Variants in RAD23B observed in about 807,000 individuals in gnomAD.
RAD23B encodes the protein RAD23 nucleotide excision repair protein B.
Under a neutral mutation model 49.1 loss-of-function variants are expected in RAD23B, and 5 were observed. That is an observed-to-expected ratio of 0.10 (90% CI 0.05 to 0.21). RAD23B has a LOEUF of 0.21. Ranked by LOEUF, RAD23B falls within the 10% of genes least tolerant of loss-of-function variation. RAD23B has a pLI of 1.00. For synonymous variants in RAD23B, 184 were observed against 165.4 expected (o/e 1.11, Z -0.86); for missense variants, 356 against 486.7 (o/e 0.73, Z 2.53).
intron 1 of RAD23B, among the ~76,000 whole-genome samples, chr9:107,291,718 G>A (rs192134071): frequency 1.7e-3 from 266 of 152,238 alleles, no homozygotes; most frequent in Non-Finnish European, 2.8e-3. Flanking sequence ...TCAAGTGGAA[G>A]GAGAAGAACC....
intron 1 of RAD23B, among the ~76,000 whole-genome samples, 196 bp from the exon 2 acceptor site, chr9:107,299,945 G>C (rs1467362448): frequency 6.6e-6 from 1 of 152,082 alleles, no homozygotes; most frequent in Non-Finnish European, 1.5e-5. Flanking sequence ...TGGTGTTAAA[G>C]TTTATGGCTA....
rs559307411 is a variant in RAD23B, at chr9:107,310,473, T to G, written c.498-1209T>G. Among the ~76,000 whole-genome samples, 5 of 152,282 alleles carry G rather than the reference T, an allele frequency of 3.3e-5. No individual in the cohort carries two copies. The South Asian group carries it at 8.3e-4, about 25-fold the overall frequency. ...AATACTGTGCACATTTGGGAAGAAA[T>G]TGAAGTAGATTTGATTGTGCCGACA... On this transcript the variant is annotated intron_variant, in intron 4 of 9. Transcript: ENST00000358015.
rs1805330 is a variant in RAD23B, at chr9:107,321,980, C to T, written c.682-3C>T. On this transcript the variant is annotated splice_region_variant and splice_polypyrimidine_tract_variant and intron_variant, in intron 6 of 9. Coordinates refer to ENST00000358015, the MANE Select transcript of RAD23B (RefSeq NM_002874.5). ...ATCTTAAAGCTTGGAAATTCTATTA[C>T]AGGGAATCCCTGGAGATAGAGAAAG... 0.092 allele frequency: 146,960 copies of T among 1,599,756 alleles called. 7,875 individuals carry two copies. Among genetic ancestry groups the T allele is most frequent in the African/African-American group, 0.2 (15,193 of 74,250 alleles).
Position 107,322,126 on chromosome 9 carries a change from G to GA in RAD23B, c.817+8_817+9insA. ...CAACAACAAGTTCTGGAGGTAAAGC[G>GA]GAATCTTCTGGATGGGGAGGGAATG... On this transcript the variant is annotated intron_variant, in intron 7 of 9. Transcript: ENST00000358015. 1 of 1,588,696 alleles carries GA rather than the reference G, an allele frequency of 6.3e-7. No homozygotes were observed. Among genetic ancestry groups the GA allele is most frequent in the South Asian group, 1.1e-5 (1 of 87,436 alleles).
At chr9:107,298,628 AC>A (rs1826583933) in intron 1 of RAD23B, among the ~76,000 whole-genome samples, 2 of 151,228 alleles carry the variant, frequency 1.3e-5, no homozygotes, top group South Asian at 4.2e-4. Flanking sequence ...ACTGCGCCTG[AC>A]CCAATGTACT....
chr9:107,306,577 G>A lies in RAD23B; in HGVS notation c.427G>A (p.Ala143Thr), dbSNP rs749832557. The change falls in exon 4 of 10, where the codon GCT (alanine) becomes ACT (threonine). Residue 143 changes from alanine (A) to threonine (T), a missense_variant. Coordinates refer to ENST00000358015, the MANE Select transcript of RAD23B (RefSeq NM_002874.5). Reference protein sequence around the residue: ...ASSEPAPASAAKQEKPAEKPA... With the variant: ...ASSEPAPASATKQEKPAEKPA... Reference sequence around the variant, plus strand: ...TTCTGAACCTGCACCTGCTAGTGCAGCTAAACAAGAGAAGCCTGCAGAAAA... The same window carrying A: ...TTCTGAACCTGCACCTGCTAGTGCAACTAAACAAGAGAAGCCTGCAGAAAA... 31 of 1,614,008 alleles carry A rather than the reference G, an allele frequency of 1.9e-5. No homozygotes were observed. The highest frequency in any genetic ancestry group is 2.5e-5 in the Non-Finnish European group (30 of 1,180,036).
At position 107,331,157 on chromosome 9, in the gene RAD23B, G is replaced by T. The variant is rs763729909; in HGVS notation, c.*1501G>T. 1 of 152,342 alleles carries T rather than the reference G, an allele frequency of 6.6e-6. No individual in the cohort carries two copies. The highest frequency in any genetic ancestry group is 1.5e-5 in the Non-Finnish European group (1 of 68,200). The allele number at this position is 152,342 out of a possible 1,614,324, so 9.4% of individuals were successfully genotyped here. A position where few individuals can be genotyped will look rare whatever the true frequency, so the allele number is the denominator to read the frequency against. The stretch of plus-strand genomic sequence containing the variant: ...TTCTCAATATCTTTAGCACAGTATG[G>T]TGATGATGACTTTTAAGCATTTACA... On this transcript the variant is annotated 3_prime_UTR_variant, in exon 10 of 10. Coordinates refer to ENST00000358015, the MANE Select transcript of RAD23B (RefSeq NM_002874.5).
chr9:107,324,195 A>G (rs1827160089), intron 8 of RAD23B, among the ~76,000 whole-genome samples, 178 bp downstream of exon 8: 3 of 152,250 alleles, frequency 2.0e-5, no homozygotes. Context: ...CAGTTGGGAT[A>G]TGGAGGTTGG....
intron 1 of RAD23B, among the ~76,000 whole-genome samples, chr9:107,291,348 T>C (rs1487133119): frequency 6.6e-6 from 1 of 152,216 alleles, no homozygotes; most frequent in Non-Finnish European, 1.5e-5. Context: ...ATATATTTTA[T>C]AATAGATTAA....
Position 107,318,956 on chromosome 9 carries a change from G to A in RAD23B, c.681+77G>A. 7.0e-7 allele frequency: 1 copy of A among 1,427,164 alleles called. No homozygotes were observed. The highest frequency in any genetic ancestry group is 9.6e-7 in the Non-Finnish European group (1 of 1,044,544). 88.4% of individuals were successfully genotyped at this position (1,427,164 alleles called of 1,614,324 possible). ...CAAAGAAACAGATTTTAAAGGACCA[G>A]TTCACTTGTCACTGATATATGCTAG... On this transcript the variant is annotated intron_variant, in intron 6 of 9. Transcript: ENST00000358015. This position sits in a 1 kb window ranked among gnomAD's most constrained non-coding sequence, Gnocchi z 4.3.
chr9:107,300,553 T>G (rs1391639131), intron 2 of RAD23B, among the ~76,000 whole-genome samples: 1 of 152,056 alleles, frequency 6.6e-6, no homozygotes, highest in Non-Finnish European at 1.5e-5. Flanking sequence ...ATTAGTATGC[T>G]TGGAATCATT....
chr9:107,323,979 C>A lies in RAD23B; in HGVS notation c.907C>A (p.Leu303Ile). ...QQNPSLLPAL[L>I]QQIGRENPQL... ...GAATCCTTCCTTGCTTCCAGCGTTA[C>A]TACAGCAGATAGGTCGAGAGAATCC... Residue 303 changes from leucine to isoleucine, a missense_variant, in exon 8 of 10, where the codon CTA becomes ATA. Coordinates refer to ENST00000358015, the MANE Select transcript of RAD23B (RefSeq NM_002874.5). 1 of 1,613,432 alleles carries A rather than the reference C, an allele frequency of 6.2e-7. No homozygotes were observed. Among genetic ancestry groups the A allele is most frequent in the Non-Finnish European group, 8.5e-7 (1 of 1,179,400 alleles).
chr9:107,283,507 C>G lies in RAD23B; in HGVS notation c.-123C>G. 1.5e-6 allele frequency: 1 copy of G among 646,406 alleles called. No homozygotes were observed. The highest frequency in any genetic ancestry group is 2.4e-6 in the Non-Finnish European group (1 of 420,064). 40.0% of individuals were successfully genotyped at this position (646,406 alleles called of 1,614,324 possible). A position where few individuals can be genotyped will look rare whatever the true frequency, so the allele number is the denominator to read the frequency against. On this transcript the variant is annotated 5_prime_UTR_variant, in exon 1 of 10. Transcript: ENST00000358015. Reference sequence around the variant, plus strand: ...TGGGCGAATGTGACAAGCCCCCACCCCCACCGCCTTCCTCCCCAGAGCGCG... The same window carrying G: ...TGGGCGAATGTGACAAGCCCCCACCGCCACCGCCTTCCTCCCCAGAGCGCG...
At position 107,305,434 on chromosome 9, in the gene RAD23B, G is replaced by A. The variant is rs541108988; in HGVS notation, c.229-945G>A. 5.3e-5 allele frequency among the ~76,000 whole-genome samples: 8 copies of A among 152,324 alleles called. No homozygotes were observed. The East Asian group carries it at 9.7e-4, about 18-fold the overall frequency. On this transcript the variant is annotated intron_variant, in intron 3 of 9. Transcript: ENST00000358015. ...AGAAAGAGAAAGGGTTGGTATTGCG[G>A]TCTCAAGGTGGCAGAGATGGAGGAG...
At chr9:107,286,490 C>G (rs12346091) in intron 1 of RAD23B, among the ~76,000 whole-genome samples, 5 of 152,182 alleles carry the variant, frequency 3.3e-5, no homozygotes, top group African/African-American at 9.7e-5. Flanking sequence ...ATTTACTTGA[C>G]TATTACTGTG....
Position 107,324,913 on chromosome 9 carries a change from G to C in RAD23B, c.1025G>C (p.Gly342Ala). The change falls in exon 9 of 10, where the codon GGT (glycine) becomes GCT (alanine). Residue 342 changes from glycine to alanine, a missense_variant. This residue lies in a region of RAD23B where 148 missense variants were observed against 231.7 expected (regional missense o/e 0.64). Transcript: ENST00000358015. The stretch of plus-strand genomic sequence containing the variant: ...GAAGCTGGTGGTCAAGGAGGAGGAG[G>C]TGGAGGTGGCAGTGGAGGAATTGCA... ...VQEAGGQGGG[G>A]GGGSGGIAEA... 6.2e-7 allele frequency: 1 copy of C among 1,613,776 alleles called. No individual in the cohort carries two copies. The highest frequency in any genetic ancestry group is 8.5e-7 in the Non-Finnish European group (1 of 1,179,922).
chr9:107,285,747 G>C (rs1201737622), intron 1 of RAD23B, among the ~76,000 whole-genome samples: 1 of 152,074 alleles, frequency 6.6e-6, no homozygotes, highest in Non-Finnish European at 1.5e-5. Context: ...GTTGCTGTTA[G>C]TATAAAAAAA....
intron 4 of RAD23B, among the ~76,000 whole-genome samples, chr9:107,306,868 G>A (rs1248102330): frequency 6.6e-6 from 1 of 151,702 alleles, no homozygotes; most frequent in Non-Finnish European, 1.5e-5. Flanking sequence ...TGTTGATTTG[G>A]GCAGGGTGGG....
chr9:107,302,231 T>C (rs1453869139), intron 3 of RAD23B, 117 bp downstream of exon 3: 3 of 1,325,352 alleles, frequency 2.3e-6, no homozygotes, highest in Non-Finnish European at 2.0e-6. Context: ...TACACTTAAC[T>C]ACTATGAAAG....
Sources: gnomAD v4.1 joint callset for allele counts (sites outside exome capture counted in the v4.1 genomes callset) on GRCh38, gnomAD v4.1.1 for gene constraint, gnomAD v4.1.1 regional missense constraint, Gnocchi (gnomAD v3.1) non-coding constraint, MANE v1.5 for transcripts, NCBI Gene and HGNC (gene_info 2026-07-23, HGNC 2026-07-21) for gene names.